GRIK2: variants seen among roughly 807,000 people sequenced by gnomAD.
GRIK2 encodes the protein glutamate ionotropic receptor kainate type subunit 2.
GRIK2 carries 32 observed loss-of-function variants against 100.3 expected under a neutral mutation model. That is an observed-to-expected ratio of 0.32 (90% CI 0.24 to 0.43). GRIK2 has a LOEUF of 0.43. Ranked by LOEUF, GRIK2 falls within the 20% of genes least tolerant of loss-of-function variation. The pLI, the probability that GRIK2 is intolerant of heterozygous loss-of-function variation, is 1.00. For missense variants in GRIK2, 843 were observed against 1,114.9 expected (o/e 0.76, Z 3.47); for synonymous variants, 417 against 389.4 (o/e 1.07, Z -0.83).
At position 101,399,251 on chromosome 6, in the gene GRIK2, T is replaced by C. The variant is rs749703363; in HGVS notation, c.-27T>C. 12 of 1,070,670 alleles carry C rather than the reference T, an allele frequency of 1.1e-5. No homozygotes were observed. In the South Asian group the frequency reaches 1.5e-4, roughly 13 times the overall value. The allele number at this position is 1,070,670 out of a possible 1,614,324, so 66.3% of individuals were successfully genotyped here. A position where few individuals can be genotyped will look rare whatever the true frequency, so the allele number is the denominator to read the frequency against. On this transcript the variant is annotated 5_prime_UTR_variant, in exon 2 of 17. Coordinates refer to ENST00000369134, the MANE Select transcript of GRIK2 (RefSeq NM_021956.5). ...CCGAACGCTAGATCGGGGAAGTGGG[T>C]GCCGTGCGTGTGGGCACAGAAACAC...
intron 1 of GRIK2, among the ~76,000 whole-genome samples, chr6:101,396,144 G>C (rs1030999346): frequency 1.3e-5 from 2 of 151,810 alleles, no homozygotes; most frequent in African/African-American, 4.8e-5. Context: ...TATCAGTATT[G>C]GGGAGAAACT....
chr6:101,580,277 G>T (rs1296859779), intron 2 of GRIK2, among the ~76,000 whole-genome samples: 1 of 152,008 alleles, frequency 6.6e-6, no homozygotes, highest in Non-Finnish European at 1.5e-5. Flanking sequence ...TTGTTGGTTG[G>T]TTTTTTTGGA....
intron 14 of GRIK2, among the ~76,000 whole-genome samples, chr6:101,943,744 G>A (rs1026081259): frequency 6.6e-6 from 1 of 152,200 alleles, no homozygotes; most frequent in Non-Finnish European, 1.5e-5. Flanking sequence ...CCAATGCCTA[G>A]ATCTTCACTG....
intron 12 of GRIK2, among the ~76,000 whole-genome samples, chr6:101,893,352 A>T (rs1249380971): frequency 6.6e-6 from 1 of 151,684 alleles, no homozygotes; most frequent in Non-Finnish European, 1.5e-5. Flanking sequence ...GGCATAAAAT[A>T]ACTACCACTT....
At chr6:101,519,906 A>G (rs1049892615) in intron 2 of GRIK2, among the ~76,000 whole-genome samples, 2 of 152,040 alleles carry the variant, frequency 1.3e-5, no homozygotes, top group African/African-American at 4.8e-5. Context: ...TGACTTGCCT[A>G]TTTGTTTTCT....
At position 101,878,106 on chromosome 6, in the gene GRIK2, T is replaced by C; in HGVS notation, c.1525-11534T>C. On this transcript the variant is annotated intron_variant, in intron 11 of 16. Transcript: ENST00000369134. ...TATATTATATTATATTATATTATATTATATTATATTATATTATATTATATT... is the reference window on the plus strand; with the variant it reads ...TATATTATATTATATTATATTATATCATATTATATTATATTATATTATATT... Among the ~76,000 whole-genome samples, 3 of 146,754 alleles carry C rather than the reference T, an allele frequency of 2.0e-5. No homozygotes were observed. In the Admixed American group the frequency reaches 2.1e-4, roughly 10 times the overall value.
At position 101,524,332 on chromosome 6, in the gene GRIK2, T is replaced by C. The variant is rs60729574; in HGVS notation, c.116-97617T>C. Among the ~76,000 whole-genome samples, 104 of 152,200 alleles carry C rather than the reference T, an allele frequency of 6.8e-4. 3 individuals carry two copies. The East Asian group carries it at 0.019, about 27-fold the overall frequency. On this transcript the variant is annotated intron_variant, in intron 2 of 16. Coordinates refer to ENST00000369134, the MANE Select transcript of GRIK2 (RefSeq NM_021956.5). ...TGGTTTTTGGGTTTTATTGTTACCATAGCATATTCGAGTCTATCCTGACCA... is the reference window on the plus strand; with the variant it reads ...TGGTTTTTGGGTTTTATTGTTACCACAGCATATTCGAGTCTATCCTGACCA...
intron 7 of GRIK2, among the ~76,000 whole-genome samples, chr6:101,753,161 A>G (rs1222663219): frequency 6.6e-6 from 1 of 151,842 alleles, no homozygotes; most frequent in African/African-American, 2.4e-5. Context: ...GGGCGCCTGT[A>G]GTCCCAGCTA....
intron 1 of GRIK2, among the ~76,000 whole-genome samples, 167 bp downstream of exon 1, chr6:101,394,004 G>A (rs1397564852): frequency 2.0e-5 from 3 of 152,236 alleles, no homozygotes; most frequent in African/African-American, 4.8e-5. Context: ...GCGCCCGCTG[G>A]ACGGATTCAC....
At chr6:101,757,987 G>C (rs1777240783) in intron 7 of GRIK2, among the ~76,000 whole-genome samples, 1 of 152,142 alleles carries the variant, frequency 6.6e-6, no homozygotes, top group African/African-American at 2.4e-5. Context: ...CAGCACTTTG[G>C]GAGGCTGAGG....
chr6:101,735,731 A>G (rs1775589326), intron 7 of GRIK2, among the ~76,000 whole-genome samples: 2 of 152,218 alleles, frequency 1.3e-5, no homozygotes, highest in African/African-American at 4.8e-5. Context: ...GTGAGGACAC[A>G]GAGCCAAACC....
At chr6:101,500,344 T>A (rs1773680454) in intron 2 of GRIK2, among the ~76,000 whole-genome samples, 1 of 152,078 alleles carries the variant, frequency 6.6e-6, no homozygotes, top group Non-Finnish European at 1.5e-5. Flanking sequence ...CACAGATATG[T>A]GGGATTTATG....
intron 14 of GRIK2, among the ~76,000 whole-genome samples, chr6:101,970,542 A>G (rs561746313): frequency 3.9e-4 from 59 of 152,080 alleles, no homozygotes; most frequent in African/African-American, 1.4e-3. Flanking sequence ...AGACATTTAT[A>G]GGACAGGGGT....
chr6:101,998,477 C>A (rs1018298761), intron 14 of GRIK2, among the ~76,000 whole-genome samples: 1 of 151,898 alleles, frequency 6.6e-6, no homozygotes, highest in African/African-American at 2.4e-5. Flanking sequence ...TTTAATGAAA[C>A]CTGATTTATG....
chr6:101,488,126 C>T (rs1283801359), intron 2 of GRIK2, among the ~76,000 whole-genome samples: 1 of 146,464 alleles, frequency 6.8e-6, no homozygotes, highest in African/African-American at 2.6e-5. Context: ...ATCATTAGTG[C>T]TTCTAATAAT....
intron 4 of GRIK2, among the ~76,000 whole-genome samples, chr6:101,671,336 A>G (rs1770416730): frequency 1.3e-5 from 2 of 152,164 alleles, no homozygotes; most frequent in South Asian, 4.1e-4. Flanking sequence ...ACAATAGTAA[A>G]CTACCTCTTC....
rs189713401 is a variant in GRIK2 at position 101,633,470 on chromosome 6, A to T, written c.541+6833A>T. Among the ~76,000 whole-genome samples the T allele has an allele frequency of 2.8e-3, 425 of 152,238 alleles. 2 individuals are homozygous for T. The highest frequency in any genetic ancestry group is 0.014 in the Middle Eastern group (4 of 294). On this transcript the variant is annotated intron_variant, in intron 4 of 16. Transcript: ENST00000369134. ...GATAATATGTGTCATACTTCACAGG[A>T]TTGTTGTTGTGTAAAGTGCCTCATA...
At chr6:101,972,218 G>A (rs2095430) in intron 14 of GRIK2, among the ~76,000 whole-genome samples, 15,013 of 151,784 alleles carry the variant, frequency 0.099, 2,019 homozygotes, top group African/African-American at 0.31. Flanking sequence ...ACATTCTCAC[G>A]AACAGTGTAT....
intron 7 of GRIK2, among the ~76,000 whole-genome samples, chr6:101,731,072 C>T (rs1462346495): frequency 1.3e-5 from 2 of 151,936 alleles, no homozygotes; most frequent in Non-Finnish European, 2.9e-5. Context: ...TTTTCAAGTA[C>T]TTCTATGCAG....
Sources: allele counts gnomAD v4.1 joint callset (sites outside exome capture counted in the v4.1 genomes callset), GRCh38; gene constraint gnomAD v4.1.1; transcripts MANE v1.5; gene names NCBI Gene and HGNC (gene_info 2026-07-23, HGNC 2026-07-21).